NYAP2: variants seen among roughly 807,000 people sequenced by gnomAD.
NYAP2 encodes the protein neuronal tyrosine-phosphorylated phosphoinositide-3-kinase adaptor 2.
NYAP2 carries 23 observed loss-of-function variants against 50.4 expected under a neutral mutation model. That is an observed-to-expected ratio of 0.46 (90% CI 0.33 to 0.65). NYAP2 has a LOEUF of 0.65. NYAP2 is among the 30% of genes least tolerant of loss of function. The pLI is 0.02. For synonymous variants in NYAP2, 394 were observed against 365.2 expected, an observed-to-expected ratio of 1.08 and a Z score of -0.90; for missense variants, 885 against 861.0, an observed-to-expected ratio of 1.03 and a Z score of -0.35.
At chr2:225,452,854 A>G (rs1019315577) in intron 3 of NYAP2, among the ~76,000 whole-genome samples, 2 of 152,184 alleles carry the variant, frequency 1.3e-5, no homozygotes, top group Non-Finnish European at 1.5e-5. Context: ...GTGGTTGGCT[A>G]AAATCTACTT....
rs903005074 is a variant in NYAP2, at chr2:225,581,817, A to G, written c.524-124A>G. The G allele has an allele frequency of 6.1e-5, 56 of 915,612 alleles. No individual in the cohort carries two copies. The East Asian group carries it at 1.3e-3, about 22-fold the overall frequency. 56.7% of individuals were successfully genotyped at this position (915,612 alleles called of 1,614,324 possible). On this transcript the variant is annotated intron_variant, in intron 4 of 6. Coordinates refer to ENST00000636099, the Ensembl canonical transcript of NYAP2. ...TTGGTTGATTTTTACTCTGAAACTC[A>G]AACTAAGAATGAAGCTGTCTACCCC...
intron 4 of NYAP2, among the ~76,000 whole-genome samples, chr2:225,556,721 T>A (rs919272359): frequency 6.6e-6 from 1 of 152,214 alleles, no homozygotes; most frequent in Non-Finnish European, 1.5e-5. Flanking sequence ...GGAACAGCTC[T>A]ACACTATGGT....
intron 3 of NYAP2, among the ~76,000 whole-genome samples, chr2:225,423,667 G>T (rs1695247325): frequency 6.6e-6 from 1 of 152,128 alleles, no homozygotes; most frequent in South Asian, 2.1e-4. Flanking sequence ...AATAATGCAT[G>T]CATGTTATGT....
intron 6 of NYAP2, among the ~76,000 whole-genome samples, chr2:225,633,263 C>A (rs1693352864): frequency 6.6e-6 from 1 of 152,110 alleles, no homozygotes; most frequent in South Asian, 2.1e-4. Flanking sequence ...TATAGGCAAA[C>A]AGGGTTTATA....
intron 4 of NYAP2, among the ~76,000 whole-genome samples, chr2:225,581,609 C>T (rs1692269396): frequency 6.6e-6 from 1 of 152,114 alleles, no homozygotes; most frequent in Non-Finnish European, 1.5e-5. Flanking sequence ...GGTTAATTTT[C>T]ACAAAATTTA....
intron 5 of NYAP2, among the ~76,000 whole-genome samples, chr2:225,600,521 T>G (rs151169780): frequency 1.3e-5 from 2 of 152,282 alleles, no homozygotes; most frequent in Middle Eastern, 3.4e-3. Context: ...ATAAACTAAG[T>G]TCCTGCCAAA....
intron 4 of NYAP2, among the ~76,000 whole-genome samples, chr2:225,564,440 G>A (rs1353570374): frequency 6.6e-6 from 1 of 151,756 alleles, no homozygotes; most frequent in Admixed American, 6.6e-5. Flanking sequence ...TGGTCAGTGA[G>A]ATTCTAACAT....
intron 3 of NYAP2, among the ~76,000 whole-genome samples, chr2:225,508,098 C>G (rs892556899): frequency 3.9e-5 from 6 of 152,184 alleles, no homozygotes; most frequent in African/African-American, 1.4e-4. Context: ...AACCAACAGA[C>G]AAGTAGATCT....
At chr2:225,554,587 G>T (rs920248848) in intron 4 of NYAP2, among the ~76,000 whole-genome samples, 1 of 152,058 alleles carries the variant, frequency 6.6e-6, no homozygotes, top group South Asian at 2.1e-4. Flanking sequence ...CTCCCAAAGT[G>T]CTGGGATTAC....
At chr2:225,513,457 A>G in exon 4 of NYAP2, 1 of 1,614,002 alleles carries the variant, frequency 6.2e-7, no homozygotes, top group Non-Finnish European at 8.5e-7. Flanking sequence ...CCTGCTCCTC[A>G]GGACAGACTT....
rs552442849 is a variant in NYAP2, at chr2:225,454,729, A to G, written c.221+45628A>G. ...GTTACACATTCCTTATGAAAATCTA[A>G]TGCCTGATGATGATCTGAGGTGGAA... is the stretch of plus-strand genomic sequence containing the variant. On this transcript the variant is annotated intron_variant, in intron 3 of 6. Coordinates refer to ENST00000636099, the Ensembl canonical transcript of NYAP2. 1.4e-4 allele frequency among the ~76,000 whole-genome samples: 21 copies of G among 152,286 alleles called. No homozygotes were observed. The East Asian group carries it at 3.9e-3, about 28-fold the overall frequency.
At chr2:225,488,002 G>A (rs1172206532) in intron 3 of NYAP2, among the ~76,000 whole-genome samples, 1 of 152,156 alleles carries the variant, frequency 6.6e-6, no homozygotes, top group Non-Finnish European at 1.5e-5. Flanking sequence ...GCCCATCTGG[G>A]ACTAGAAAAG....
chr2:225,471,120 A>C (rs1018719064), intron 3 of NYAP2, among the ~76,000 whole-genome samples: 1 of 152,252 alleles, frequency 6.6e-6, no homozygotes, highest in Non-Finnish European at 1.5e-5. Flanking sequence ...TGTGGAAATG[A>C]AACAGATGCT....
chr2:225,578,326 C>A (rs1692204723), intron 4 of NYAP2, among the ~76,000 whole-genome samples: 1 of 152,022 alleles, frequency 6.6e-6, no homozygotes, highest in South Asian at 2.1e-4. Flanking sequence ...ATTAGGCTCT[C>A]TTCACCAAGC....
chr2:225,497,338 G>A (rs1227779277), intron 3 of NYAP2, among the ~76,000 whole-genome samples: 1 of 152,156 alleles, frequency 6.6e-6, no homozygotes, highest in African/African-American at 2.4e-5. Flanking sequence ...AGTAACTAAT[G>A]CATCCACGCA....
intron 4 of NYAP2, among the ~76,000 whole-genome samples, chr2:225,577,062 G>T (rs907487380): frequency 4.6e-5 from 7 of 152,000 alleles, no homozygotes; most frequent in Admixed American, 3.3e-4. Flanking sequence ...CCTAAAGATA[G>T]GTTGACAAGG....
chr2:225,634,927 A>C (rs560349072), intron 6 of NYAP2, among the ~76,000 whole-genome samples: 1 of 152,332 alleles, frequency 6.6e-6, no homozygotes, highest in East Asian at 1.9e-4. Flanking sequence ...CAGGAATGGA[A>C]CTGCAATTGA....
At chr2:225,689,989 T>C in the NYAP2 span, among the ~76,000 whole-genome samples, 1 of 152,134 alleles carries the variant, frequency 6.6e-6, no homozygotes, top group African/African-American at 2.4e-5. Flanking sequence ...AAGCCCCTAC[T>C]ATTTTGGTAT....
the NYAP2 span, among the ~76,000 whole-genome samples, chr2:225,664,003 G>A: frequency 1.3e-3 from 195 of 152,080 alleles, no homozygotes; most frequent in Middle Eastern, 6.8e-3. Flanking sequence ...CATCCACAAG[G>A]CTTTTTTATC....
Sources: gnomAD v4.1 joint callset for allele counts (sites outside exome capture counted in the v4.1 genomes callset) on GRCh38, gnomAD v4.1.1 for gene constraint, MANE v1.5 for transcripts, NCBI Gene and HGNC (gene_info 2026-07-23, HGNC 2026-07-21) for gene names.